The following AAGAB variants were observed in gnomAD, a reference collection of about 807,000 sequenced individuals.
The protein encoded by AAGAB is alpha and gamma adaptin binding protein, also known as alpha- and gamma-adaptin-binding protein p34.
A neutral mutation model predicts 44.1 loss-of-function variants in AAGAB; 38 were observed. That is an observed-to-expected ratio of 0.86 (90% CI 0.67 to 1.13). AAGAB has a LOEUF of 1.13. Among genes scored for constraint, AAGAB ranks in the 50% most tolerant of loss-of-function variants. The pLI, the probability that AAGAB is intolerant of heterozygous loss-of-function variation, is 0.00. For synonymous variants in AAGAB, 131 were observed against 131.8 expected (o/e 0.99, Z 0.04); for missense variants, 450 against 373.8 (o/e 1.20, Z -1.68).
upstream of AAGAB, chr15:67,254,961 T>C (rs1262242378): frequency 6.2e-7 from 1 of 1,611,762 alleles, no homozygotes; most frequent in Non-Finnish European, 8.5e-7. Context: ...GGAAACGGGC[T>C]TCCCCCGGCC....
At position 67,222,237 on chromosome 15, in the gene AAGAB, C is replaced by CGCGCGT. The variant is rs1555417854; in HGVS notation, c.535+9576_535+9577insACGCGC. Among the ~76,000 whole-genome samples, 17 of 71,518 alleles carry CGCGCGT rather than the reference C, an allele frequency of 2.4e-4. No individual in the cohort carries two copies. In the East Asian group the frequency reaches 4.0e-3, roughly 17 times the overall value. The allele number at this position is 71,518 out of a possible 152,430, so 46.9% of individuals were successfully genotyped here. On this transcript the variant is annotated intron_variant, in intron 5 of 9. Transcript: ENST00000261880. ...CTACATGCATGCACGCGCACGCGCG[C>CGCGCGT]GCGCGCACACACACACACACACACA...
intron 4 of AAGAB, among the ~76,000 whole-genome samples, chr15:67,233,368 C>A (rs1964386801): frequency 6.6e-6 from 1 of 152,070 alleles, no homozygotes; most frequent in African/African-American, 2.4e-5. Flanking sequence ...GGATTGTAAT[C>A]CCATAGTGTA....
In AAGAB at chr15:67,236,019, T is replaced by C; in HGVS notation, c.411A>G (p.Glu137=). The C allele has an allele frequency of 6.2e-7, 1 of 1,613,670 alleles. No individual in the cohort carries two copies. Among genetic ancestry groups the C allele is most frequent in the Non-Finnish European group, 8.5e-7 (1 of 1,179,758 alleles). Residue 137 remains glutamate, a synonymous_variant, in exon 4 of 10, where the codon GAA becomes GAG. Transcript: ENST00000261880. ...ACTCCTCTGGACTAAGTTCTACCAA[T>C]TCAAAGCCATGTTTGATGCACCATT... The part of the protein sequence containing the change: ...AQEWCIKHGF[E]LVELSPEELP...
intron 1 of AAGAB, among the ~76,000 whole-genome samples, chr15:67,243,981 C>A (rs143842771): frequency 6.6e-5 from 10 of 151,994 alleles, no homozygotes; most frequent in African/African-American, 2.2e-4. Flanking sequence ...AGGACAATTA[C>A]GAGATAAAAA....
chr15:67,219,989 A>G (rs1964032775), intron 5 of AAGAB, among the ~76,000 whole-genome samples: 1 of 152,212 alleles, frequency 6.6e-6, no homozygotes, highest in Non-Finnish European at 1.5e-5. Context: ...ATTCTTACAA[A>G]TAAGAATTAA....
At position 67,253,270 on chromosome 15, in the gene AAGAB, G is replaced by T. The variant is rs1462405926; in HGVS notation, c.73+1289C>A. 1.4e-5 allele frequency among the ~76,000 whole-genome samples: 2 copies of T among 147,668 alleles called. 1 individual carries two copies. ...CCAAACCCCGTATGACGGGGGGGGGGGGGGGCAATTAGCCGGGCGTGGTGG... is the reference window on the plus strand; with the variant it reads ...CCAAACCCCGTATGACGGGGGGGGGTGGGGGCAATTAGCCGGGCGTGGTGG... On this transcript the variant is annotated intron_variant, in intron 1 of 9. Transcript: ENST00000261880.
intron 5 of AAGAB, among the ~76,000 whole-genome samples, chr15:67,219,910 G>A (rs897802969): frequency 1.3e-5 from 2 of 152,014 alleles, no homozygotes; most frequent in African/African-American, 2.4e-5. Flanking sequence ...TATAGTTATA[G>A]TACTGTAATT....
chr15:67,224,186 C>T (rs1194713584), intron 5 of AAGAB, among the ~76,000 whole-genome samples: 3 of 152,172 alleles, frequency 2.0e-5, no homozygotes, highest in African/African-American at 4.8e-5. Flanking sequence ...ACTGATATAT[C>T]CCAAACACAC....
rs1277517453 is a variant in AAGAB at position 67,202,878 on chromosome 15, CATCCAGA to C, written c.884_890del (p.Phe295TrpfsTer32). ...TTTCATCTCTGTCTCCCCCGATTGCCATCCAGAATGCTTTGGCCACCTGTGGAGAGAA... is the reference window on the plus strand; with the variant it reads ...TTTCATCTCTGTCTCCCCCGATTGCCATGCTTTGGCCACCTGTGGAGAGAA... On this transcript the variant is annotated frameshift_variant, in exon 10 of 10. Transcript: ENST00000261880. LOFTEE classifies it high-confidence loss of function. 1 of 1,613,960 alleles carries C rather than the reference CATCCAGA, an allele frequency of 6.2e-7. No individual in the cohort carries two copies. The highest frequency in any genetic ancestry group is 8.5e-7 in the Non-Finnish European group (1 of 1,179,968).
Position 67,202,887 on chromosome 15 carries a change from T to C in AAGAB, c.882A>G (p.Ala294=). 8.7e-6 allele frequency: 14 copies of C among 1,614,100 alleles called. No homozygotes were observed. The highest frequency in any genetic ancestry group is 1.0e-5 in the Non-Finnish European group (12 of 1,179,946). Reference sequence around the variant, plus strand: ...TGTCTCCCCCGATTGCCATCCAGAATGCTTTGGCCACCTGTGGAGAGAAGC... The same window carrying C: ...TGTCTCCCCCGATTGCCATCCAGAACGCTTTGGCCACCTGTGGAGAGAAGC... ...RKVHAEKVAK[A]FWMAIGGDRD... is the part of the protein sequence containing the mutation. Residue 294 remains alanine (A), a synonymous_variant, in exon 10 of 10, where the codon GCA becomes GCG. Transcript: ENST00000261880.
chr15:67,244,531 G>A (rs908869429), intron 1 of AAGAB, among the ~76,000 whole-genome samples: 3 of 152,074 alleles, frequency 2.0e-5, no homozygotes, highest in Non-Finnish European at 4.4e-5. Context: ...AGCCAGGCAC[G>A]GTGGCTCATA....
chr15:67,248,063 T>C (rs970429189), intron 1 of AAGAB, among the ~76,000 whole-genome samples: 2 of 152,194 alleles, frequency 1.3e-5, no homozygotes, highest in African/African-American at 2.4e-5. Context: ...CATACACACA[T>C]ACTGGAATGT....
rs1595998787 is a variant in AAGAB, at chr15:67,229,537, C to A, written c.535+2277G>T. On this transcript the variant is annotated intron_variant, in intron 5 of 9. Transcript: ENST00000261880. ...GCTACATCAATAAAATAGAATCTAG[C>A]ACCCTTGCAATTCAATTTAACAGAC... 4.0e-5 allele frequency among the ~76,000 whole-genome samples: 6 copies of A among 151,078 alleles called. No individual in the cohort carries two copies. The South Asian group carries it at 1.0e-3, about 26-fold the overall frequency.
chr15:67,228,186 T>C (rs949403402), intron 5 of AAGAB, among the ~76,000 whole-genome samples: 3 of 152,230 alleles, frequency 2.0e-5, no homozygotes, highest in African/African-American at 7.2e-5. Context: ...ATATATGAAC[T>C]TGGGACACAG....
chr15:67,209,166 A>G (rs1963751774), intron 6 of AAGAB, among the ~76,000 whole-genome samples: 1 of 152,232 alleles, frequency 6.6e-6, no homozygotes, highest in African/African-American at 2.4e-5. Flanking sequence ...AGGAAGTACT[A>G]AAAAAGCACC....
intron 5 of AAGAB, among the ~76,000 whole-genome samples, chr15:67,223,643 A>T (rs577497563): frequency 4.6e-5 from 7 of 152,158 alleles, no homozygotes; most frequent in Admixed American, 2.0e-4. Flanking sequence ...CTTCACCCTC[A>T]TCATCTACTC....
chr15:67,219,691 T>G (rs867041760), intron 5 of AAGAB, among the ~76,000 whole-genome samples: 1 of 151,998 alleles, frequency 6.6e-6, no homozygotes, highest in Non-Finnish European at 1.5e-5. Flanking sequence ...TGAAAAACGA[T>G]CTATGGGGCA....
chr15:67,244,814 A>G (rs1964683308), intron 1 of AAGAB, among the ~76,000 whole-genome samples: 1 of 152,126 alleles, frequency 6.6e-6, no homozygotes, highest in Non-Finnish European at 1.5e-5. Context: ...AAAAAAATAA[A>G]ATAGTTAAAA....
rs1046679648 is a variant in AAGAB at position 67,236,068 on chromosome 15, C to A, written c.362G>T (p.Gly121Val). The A allele has an allele frequency of 1.2e-6, 2 of 1,600,710 alleles. No individual in the cohort carries two copies. Among genetic ancestry groups the A allele is most frequent in the Non-Finnish European group, 1.7e-6 (2 of 1,171,288 alleles). The change falls in exon 4 of 10, where the codon GGT becomes GTT. Residue 121 changes from glycine to valine, a missense_variant and splice_region_variant. Gly to Val is a moderately radical substitution (Grantham distance 109). Coordinates refer to ENST00000261880, the MANE Select transcript of AAGAB (RefSeq NM_024666.5). ...ILVCDRVSED[G>V]INRQKAQEWC... ...TTCTTGAGCTTTTTGTCGGTTTATA[C>A]CTAAAATAATATGCAAAAGAATCTT...
Sources: allele counts gnomAD v4.1 joint callset (sites outside exome capture counted in the v4.1 genomes callset), GRCh38; gene constraint gnomAD v4.1.1; transcripts MANE v1.5; gene names NCBI Gene and HGNC (gene_info 2026-07-23, HGNC 2026-07-21).